CFAP74: variants seen among roughly 807,000 people sequenced by gnomAD.
The protein encoded by CFAP74 is cilia and flagella associated protein 74, also known as cilia- and flagella-associated protein 74.
CFAP74 carries 124 observed loss-of-function variants against 188.9 expected under a neutral mutation model. The ratio of observed to expected loss-of-function variants is 0.66; its 90% CI spans 0.57 to 0.76. The LOEUF is 0.76. Among genes scored for constraint, CFAP74 ranks in the 30% least tolerant of loss-of-function variants. The probability of loss-of-function intolerance (pLI) is 0.00; values close to 1 mark genes in which losing one functional copy is unlikely to be tolerated. For missense variants in CFAP74, 2,198 were observed against 2,165.2 expected, an observed-to-expected ratio of 1.02 and a Z score of -0.30; for synonymous variants, 956 against 916.7, an observed-to-expected ratio of 1.04 and a Z score of -0.77.
At position 1,972,993 on chromosome 1, in the gene CFAP74, C is replaced by T. The variant is rs774450444; in HGVS notation, c.729G>A (p.Glu243=). The T allele has an allele frequency of 2.5e-6, 4 of 1,614,058 alleles. No homozygotes were observed. The South Asian group carries it at 4.4e-5, about 18-fold the overall frequency. ...CAACCTTGTGGTTCTTCCGGGCGTCCTCCAGCAGCTTCTGGTGCCTGAGCC... is the reference window on the plus strand; with the variant it reads ...CAACCTTGTGGTTCTTCCGGGCGTCTTCCAGCAGCTTCTGGTGCCTGAGCC... The part of the protein sequence containing the change: ...ELGLRHQKLL[E]DARKNHKVAV... Residue 243 remains glutamate, a synonymous_variant, in exon 8 of 39, where the codon GAG becomes GAA. Transcript: ENST00000682832.
intron 15 of CFAP74, 40 bp from the exon 16 acceptor site, chr1:1,959,249 A>C (rs1373321240): frequency 2.2e-6 from 3 of 1,368,958 alleles, no homozygotes. Context: ...ACACTTCTGC[A>C]ACTTTTGTGT....
At chr1:1,943,661 C>T (rs142635844) in intron 21 of CFAP74, among the ~76,000 whole-genome samples, 2 of 152,268 alleles carry the variant, frequency 1.3e-5, no homozygotes, top group South Asian at 4.1e-4. Flanking sequence ...CCAGGCTCAC[C>T]CTGCCTGTGT....
Position 1,935,338 on chromosome 1 carries a change from G to A in CFAP74, c.3011+3517C>T, listed in dbSNP as rs529242266. Among the ~76,000 whole-genome samples, 13 of 95,344 alleles carry A rather than the reference G, an allele frequency of 1.4e-4. 2 individuals carry two copies. The highest frequency in any genetic ancestry group is 4.1e-4 in the African/African-American group (11 of 26,674). 62.5% of individuals were successfully genotyped at this position (95,344 alleles called of 152,430 possible). A position where few individuals can be genotyped will look rare whatever the true frequency, so the allele number is the denominator to read the frequency against. The stretch of plus-strand genomic sequence containing the variant: ...AGGTTGTAGGTACACAGGTGTGTAC[G>A]TGGGTGTTAGGTTGTAGGTACACAC... On this transcript the variant is annotated intron_variant, in intron 25 of 38. Transcript: ENST00000682832.
chr1:1,998,654 CGTG>C (rs934052968), intron 1 of CFAP74, among the ~76,000 whole-genome samples: 53 of 152,232 alleles, frequency 3.5e-4, no homozygotes, highest in Middle Eastern at 3.4e-3. Flanking sequence ...GTGGGCAGAT[CGTG>C]AGGTCAGGAG....
At chr1:1,947,138 C>T in intron 18 of CFAP74, 84 bp from the exon 19 acceptor site, 2 of 978,170 alleles carry the variant, frequency 2.0e-6, no homozygotes, top group Non-Finnish European at 3.1e-6. Flanking sequence ...TGGTCACCAC[C>T]TCCAAACCCA....
chr1:1,966,961 C>T (rs1316799352), intron 11 of CFAP74, among the ~76,000 whole-genome samples: 1 of 151,972 alleles, frequency 6.6e-6, no homozygotes, highest in Non-Finnish European at 1.5e-5. Flanking sequence ...CTCAGCCTCC[C>T]GAGTAGCTGG....
intron 6 of CFAP74, among the ~76,000 whole-genome samples, chr1:1,977,818 GGA>G (rs1656547759): frequency 6.6e-6 from 1 of 152,198 alleles, no homozygotes; most frequent in Admixed American, 6.5e-5. Flanking sequence ...CCAAATGTTT[GGA>G]GAGACAACCC....
chr1:1,992,808 T>C (rs1049846611), intron 1 of CFAP74, among the ~76,000 whole-genome samples: 5 of 152,076 alleles, frequency 3.3e-5, no homozygotes, highest in African/African-American at 9.7e-5. Flanking sequence ...AAAATTATCA[T>C]TACACTTTGC....
Position 1,970,720 on chromosome 1 carries a change from T to G in CFAP74, c.985A>C (p.Arg329=), listed in dbSNP as rs1655895425. ...AEKKAILAQG[R]DAFRHLVHQR... is the part of the protein sequence containing the mutation. ...TGGACAAGGTGCCTGAATGCATCCC[T>G]GCCCTGGGCCAGAATCGCCTTCTTC... The change falls in exon 10 of 39, where the codon AGG becomes CGG. Residue 329 remains arginine (R), a synonymous_variant. Transcript: ENST00000682832. 6.2e-7 allele frequency: 1 copy of G among 1,614,006 alleles called. No individual in the cohort carries two copies. The highest frequency in any genetic ancestry group is 1.3e-5 in the African/African-American group (1 of 74,942).
chr1:1,963,231 G>A lies in CFAP74; in HGVS notation c.1694+518C>T, dbSNP rs534332769. Among the ~76,000 whole-genome samples, 14 of 152,046 alleles carry A rather than the reference G, an allele frequency of 9.2e-5. No homozygotes were observed. The South Asian group carries it at 2.1e-3, about 23-fold the overall frequency. On this transcript the variant is annotated intron_variant, in intron 14 of 38. Coordinates refer to ENST00000682832, the MANE Select transcript of CFAP74 (RefSeq NM_001304360.2). ...TTTGGGAAGCCAAGGCAGGTGGACC[G>A]CCTGAGGTCAGGAGTTCGAGACCAG...
intron 18 of CFAP74, among the ~76,000 whole-genome samples, chr1:1,950,237 T>C (rs183911585): frequency 7.9e-5 from 12 of 152,332 alleles, no homozygotes; most frequent in Admixed American, 2.0e-4. Flanking sequence ...TTACATTTTC[T>C]TCATCTCATG....
At chr1:1,970,908 C>G in intron 9 of CFAP74, 92 bp from the exon 10 acceptor site, 1 of 1,499,272 alleles carries the variant, frequency 6.7e-7, no homozygotes, top group Non-Finnish European at 9.1e-7. Flanking sequence ...CAGGTTCATA[C>G]ATGCACACGT....
chr1:1,934,033 G>A (rs769609723), intron 25 of CFAP74, among the ~76,000 whole-genome samples: 3 of 152,216 alleles, frequency 2.0e-5, no homozygotes, highest in Non-Finnish European at 4.4e-5. Context: ...CCAGGCTGAG[G>A]GGAGACAAGC....
intron 9 of CFAP74, among the ~76,000 whole-genome samples, chr1:1,971,087 A>C (rs1446512560): frequency 6.8e-6 from 1 of 148,050 alleles, no homozygotes; most frequent in East Asian, 2.0e-4. Context: ...ACACACTCAT[A>C]CATGCACACC....
At chr1:2,002,467 G>C (rs1452084388) in intron 1 of CFAP74, among the ~76,000 whole-genome samples, 1 of 151,398 alleles carries the variant, frequency 6.6e-6, no homozygotes, top group Non-Finnish European at 1.5e-5. Context: ...GATCATTTGA[G>C]ATCAGGAGTT....
chr1:1,948,480 G>T (rs186927001), intron 18 of CFAP74, among the ~76,000 whole-genome samples: 1 of 150,712 alleles, frequency 6.6e-6, no homozygotes, highest in Non-Finnish European at 1.5e-5. Flanking sequence ...CAGGCTGATC[G>T]CAAACATCTG....
Position 1,927,031 on chromosome 1 carries a change from A to C in CFAP74, c.3528-3T>G. On this transcript the variant is annotated splice_region_variant and splice_polypyrimidine_tract_variant and intron_variant, in intron 28 of 38. Coordinates refer to ENST00000682832, the MANE Select transcript of CFAP74 (RefSeq NM_001304360.2). ...GGGCGGCCTGGTACTCGTCGGAACTAGAAGGAAGTCAGAGGCTTGCGCTCC... is the reference window on the plus strand; with the variant it reads ...GGGCGGCCTGGTACTCGTCGGAACTCGAAGGAAGTCAGAGGCTTGCGCTCC... 6.5e-7 allele frequency: 1 copy of C among 1,550,160 alleles called. No individual in the cohort carries two copies. Among genetic ancestry groups the C allele is most frequent in the South Asian group, 1.2e-5 (1 of 84,058 alleles).
rs1441930482 is a variant in CFAP74, at chr1:1,932,078, AAC to A, written c.3012-1744_3012-1743del. ...GAGACTCTCGCCTCAAAAAAAAAAAAACAAAAAACAAAAAACAAAAAACTTAG... is the reference window on the plus strand; with the variant it reads ...GAGACTCTCGCCTCAAAAAAAAAAAAAAAAAACAAAAAACAAAAAACTTAG... On this transcript the variant is annotated intron_variant, in intron 25 of 38. Coordinates refer to ENST00000682832, the MANE Select transcript of CFAP74 (RefSeq NM_001304360.2). Among the ~76,000 whole-genome samples, 23 of 58,960 alleles carry A rather than the reference AAC, an allele frequency of 3.9e-4. 1 individual carries two copies. The highest frequency in any genetic ancestry group is 1.4e-3 in the East Asian group (2 of 1,416). The allele number at this position is 58,960 out of a possible 152,430, so 38.7% of individuals were successfully genotyped here. A position where few individuals can be genotyped will look rare whatever the true frequency, so the allele number is the denominator to read the frequency against.
intron 18 of CFAP74, chr1:1,955,054 C>CGGAAGTGCGGCTCACACA: frequency 3.9e-6 from 5 of 1,266,902 alleles, no homozygotes; most frequent in Non-Finnish European, 5.1e-6. Flanking sequence ...CGGCTCACAC[C>CGGAAGTGCGGCTCACACA]GGAAGTGCGG....
Sources: gnomAD v4.1 joint callset for allele counts (sites outside exome capture counted in the v4.1 genomes callset) on GRCh38, gnomAD v4.1.1 for gene constraint, MANE v1.5 for transcripts, NCBI Gene and HGNC (gene_info 2026-07-23, HGNC 2026-07-21) for gene names.